The following GNAI1 variants were observed in gnomAD, a reference collection of about 807,000 sequenced individuals.
The protein encoded by GNAI1 is guanine nucleotide-binding protein G(i) subunit alpha-1.
In GNAI1, 11 loss-of-function variants were observed where a neutral mutation model predicts 38.9. The ratio of observed to expected loss-of-function variants is 0.28; its 90% CI spans 0.18 to 0.47. The LOEUF (loss-of-function observed/expected upper bound fraction) is 0.47. Among genes scored for constraint, GNAI1 ranks in the 20% least tolerant of loss-of-function variants. The probability of loss-of-function intolerance (pLI) is 0.99; values close to 1 mark genes in which losing one functional copy is unlikely to be tolerated. For missense variants in GNAI1, 317 were observed against 436.9 expected (o/e 0.73, Z 2.45); for synonymous variants, 166 against 145.1 (o/e 1.14, Z -1.04).
intron 1 of GNAI1, chr7:80,135,734 G>A: frequency 6.3e-6 from 6 of 956,722 alleles, no homozygotes; most frequent in Non-Finnish European, 7.3e-6. Context: ...GTTTTCTCAT[G>A]CCCAGAGTGC....
At chr7:80,179,825 G>A (rs1788258915) in intron 1 of GNAI1, among the ~76,000 whole-genome samples, 1 of 152,136 alleles carries the variant, frequency 6.6e-6, no homozygotes, top group Admixed American at 6.5e-5. Context: ...AGTGGGTTAT[G>A]TTATAGTAGA....
intron 3 of GNAI1, among the ~76,000 whole-genome samples, chr7:80,191,842 G>A (rs1000595275): frequency 2.0e-5 from 3 of 152,264 alleles, no homozygotes; most frequent in East Asian, 1.9e-4. Context: ...TTTAGTATCC[G>A]TTCATAAGTG....
intron 1 of GNAI1, 79 bp downstream of exon 1, chr7:80,135,357 C>T: frequency 5.8e-6 from 5 of 860,682 alleles, no homozygotes; most frequent in South Asian, 3.1e-5. Context: ...GTTTGGAAAC[C>T]CGGAGGGAAG....
chr7:80,211,400 T>C (rs1788870575), intron 6 of GNAI1, among the ~76,000 whole-genome samples: 1 of 151,948 alleles, frequency 6.6e-6, no homozygotes, highest in African/African-American at 2.4e-5. Flanking sequence ...AATTTGTTAC[T>C]TCTGTTAGTT....
At chr7:80,197,090 C>G (rs1442314359) in intron 3 of GNAI1, among the ~76,000 whole-genome samples, 1 of 151,564 alleles carries the variant, frequency 6.6e-6, no homozygotes, top group Admixed American at 6.6e-5. Flanking sequence ...TCTTTCCTCT[C>G]CCTCCTCTCC....
rs1293940480 is a variant in GNAI1, at chr7:80,135,183, A to T, written c.23A>T (p.Glu8Val). ...ACCATGGGCTGCACGCTGAGCGCCG[A>T]GGACAAGGCGGCGGTGGAGCGGAGT... Reference protein sequence around the residue: MGCTLSAEDKAAVERSKM... With the variant: MGCTLSAVDKAAVERSKM... Residue 8 changes from glutamate (E) to valine (V), a missense_variant, in exon 1 of 8, where the codon GAG becomes GTG. By Grantham distance (121) the Glu-to-Val change is moderately radical (BLOSUM62 -2). Around this residue, in one of 5 missense-constraint regions of GNAI1, gnomAD observed 37 missense variants for 26.2 expected, o/e 1.41. Coordinates refer to ENST00000649796, the MANE Select transcript of GNAI1 (RefSeq NM_002069.6). The T allele has an allele frequency of 1.9e-6, 3 of 1,544,720 alleles. No homozygotes were observed. The South Asian group carries it at 3.6e-5, about 19-fold the overall frequency.
intron 1 of GNAI1, among the ~76,000 whole-genome samples, chr7:80,138,172 T>C (rs1787459392): frequency 6.6e-6 from 1 of 152,226 alleles, no homozygotes; most frequent in Non-Finnish European, 1.5e-5. Context: ...ATCTCTAAAG[T>C]ACTTTTAAGA....
intron 3 of GNAI1, among the ~76,000 whole-genome samples, chr7:80,191,402 T>C (rs774152847): frequency 1.3e-5 from 2 of 152,166 alleles, no homozygotes; most frequent in Non-Finnish European, 2.9e-5. Context: ...TTTATTGTTG[T>C]TATTATTTTG....
intron 1 of GNAI1, among the ~76,000 whole-genome samples, chr7:80,152,079 C>CT (rs757336874): frequency 6.6e-6 from 1 of 152,076 alleles, no homozygotes. Context: ...TTTTCTAGAA[C>CT]TAAGGTGGCA....
rs189680066 is a variant in GNAI1, at chr7:80,203,525, G to A, written c.462-179G>A. Among the ~76,000 whole-genome samples the A allele has an allele frequency of 6.0e-3, 909 of 152,002 alleles. 9 individuals are homozygous for A. The highest frequency in any genetic ancestry group is 0.02 in the African/African-American group (837 of 41,478). ...CAGAGGTGTAAACATTTTTATTTCC[G>A]TGGGAGTTTGTAAGATAAGATACAA... On this transcript the variant is annotated intron_variant, in intron 4 of 7. Coordinates refer to ENST00000649796, the MANE Select transcript of GNAI1 (RefSeq NM_002069.6).
At chr7:80,205,115 C>G (rs1788750831) in intron 5 of GNAI1, among the ~76,000 whole-genome samples, 1 of 152,074 alleles carries the variant, frequency 6.6e-6, no homozygotes, top group Non-Finnish European at 1.5e-5. Context: ...AGCCCTTGAA[C>G]AGCTTTGGGA....
intron 3 of GNAI1, among the ~76,000 whole-genome samples, chr7:80,191,882 G>A (rs1372065091): frequency 6.6e-6 from 1 of 152,098 alleles, no homozygotes; most frequent in Admixed American, 6.5e-5. Flanking sequence ...AACAACTTAG[G>A]TGTTATCAAC....
intron 1 of GNAI1, among the ~76,000 whole-genome samples, chr7:80,153,631 G>C (rs953950054): frequency 1.3e-5 from 2 of 152,092 alleles, no homozygotes; most frequent in Non-Finnish European, 2.9e-5. Flanking sequence ...TGTATTAATG[G>C]CCTTAACATT....
chr7:80,191,687 A>C (rs4552840), intron 3 of GNAI1, among the ~76,000 whole-genome samples: 139,590 of 152,216 alleles, frequency 0.92, 64,030 homozygotes, highest in East Asian at 1. Flanking sequence ...CCACCACGCC[A>C]AGCCACAAAC....
At chr7:80,151,307 T>C (rs1787722268) in intron 1 of GNAI1, among the ~76,000 whole-genome samples, 1 of 152,186 alleles carries the variant, frequency 6.6e-6, no homozygotes, top group South Asian at 2.1e-4. Flanking sequence ...CTAATATTGA[T>C]TTAAATGTAT....
At chr7:80,178,481 C>T (rs190412010) in intron 1 of GNAI1, among the ~76,000 whole-genome samples, 25 of 152,234 alleles carry the variant, frequency 1.6e-4, no homozygotes, top group African/African-American at 6.0e-4. Flanking sequence ...AAGAAATTGC[C>T]ACAGCCACCC....
At chr7:80,167,718 A>G (rs1222617275) in intron 1 of GNAI1, among the ~76,000 whole-genome samples, 1 of 152,228 alleles carries the variant, frequency 6.6e-6, no homozygotes, top group East Asian at 1.9e-4. Context: ...TGCAAACTGC[A>G]ATAGATGTGC....
chr7:80,172,873 T>A (rs1263490821), intron 1 of GNAI1, among the ~76,000 whole-genome samples: 1 of 152,208 alleles, frequency 6.6e-6, no homozygotes, highest in Non-Finnish European at 1.5e-5. Flanking sequence ...AGAAGTTTTT[T>A]AAAACGTAAA....
At position 80,200,340 on chromosome 7, in the gene GNAI1, A is replaced by AAAAAAAAAAAC. The variant is rs1554351824; in HGVS notation, c.461+965_461+966insAAACAAAAAAA. On this transcript the variant is annotated intron_variant, in intron 4 of 7. Coordinates refer to ENST00000649796, the MANE Select transcript of GNAI1 (RefSeq NM_002069.6). The stretch of plus-strand genomic sequence containing the variant: ...GCCATGTCTCAAAAAAAAAAAAAAA[A>AAAAAAAAAAAC]AAAAAAACCTAATCAGGGAGCTTTC... 1.3e-4 allele frequency among the ~76,000 whole-genome samples: 20 copies of AAAAAAAAAAAC among 150,140 alleles called. 1 individual carries two copies. Among genetic ancestry groups the AAAAAAAAAAAC allele is most frequent in the Non-Finnish European group, 2.8e-4 (19 of 67,562 alleles).
Sources: gnomAD v4.1 joint callset for allele counts (sites outside exome capture counted in the v4.1 genomes callset) on GRCh38, gnomAD v4.1.1 for gene constraint, gnomAD v4.1.1 regional missense constraint, MANE v1.5 for transcripts, NCBI Gene and HGNC (gene_info 2026-07-23, HGNC 2026-07-21) for gene names.